RARB: variants seen among roughly 807,000 people sequenced by gnomAD.
The protein encoded by RARB is retinoic acid receptor beta.
Under a neutral mutation model 51.9 loss-of-function variants are expected in RARB, and 17 were observed. The observed-to-expected ratio is 0.33, with a 90% CI of 0.22 to 0.49. RARB has a LOEUF of 0.49. RARB is among the 20% of genes least tolerant of loss of function. RARB has a pLI of 0.99. For missense variants in RARB, 369 were observed against 550.8 expected, an observed-to-expected ratio of 0.67 and a Z score of 3.30; for synonymous variants, 215 against 195.4, an observed-to-expected ratio of 1.10 and a Z score of -0.84.
chr3:25,321,918 G>T (rs1402493862), intron 5 of RARB, among the ~76,000 whole-genome samples: 2 of 151,592 alleles, frequency 1.3e-5, no homozygotes, highest in Admixed American at 6.6e-5. Flanking sequence ...GTGGAGGCAG[G>T]CAGTAGAAGG....
Position 25,269,371 on chromosome 3 carries a change from G to A in RARB, c.178+94796G>A, listed in dbSNP as rs534393500. On this transcript the variant is annotated intron_variant, in intron 5 of 11. Transcript: ENST00000383772. Reference sequence around the variant, plus strand: ...ATCATTCAGCACCATCCATCATTGAGAGGTAGGAACGTGTGACAGCTGAGA... The same window carrying A: ...ATCATTCAGCACCATCCATCATTGAAAGGTAGGAACGTGTGACAGCTGAGA... Among the ~76,000 whole-genome samples, 10 of 152,300 alleles carry A rather than the reference G, an allele frequency of 6.6e-5. No homozygotes were observed. In the South Asian group the frequency reaches 1.7e-3, roughly 25 times the overall value.
intron 2 of RARB, among the ~76,000 whole-genome samples, chr3:25,494,275 A>ACACACACG (rs1553623210): frequency 0.055 from 5,598 of 102,278 alleles, 131 homozygotes; most frequent in Middle Eastern, 0.072. Context: ...ACACACACAC[A>ACACACACG]CACATGCCAT....
chr3:25,225,990 G>A (rs952970743), intron 5 of RARB, among the ~76,000 whole-genome samples: 1 of 152,104 alleles, frequency 6.6e-6, no homozygotes, highest in Non-Finnish European at 1.5e-5. Flanking sequence ...TAATAACAGT[G>A]ATTGTTAAAT....
intron 2 of RARB, among the ~76,000 whole-genome samples, chr3:24,875,510 T>C (rs1269846236): frequency 6.6e-6 from 1 of 152,124 alleles, no homozygotes; most frequent in Non-Finnish European, 1.5e-5. Context: ...ATTGAATAAA[T>C]TAATGCACTA....
intron 4 of RARB, among the ~76,000 whole-genome samples, chr3:25,154,842 A>C (rs1428825660): frequency 6.6e-6 from 1 of 152,100 alleles, no homozygotes; most frequent in Non-Finnish European, 1.5e-5. Context: ...ACTCGCACCT[A>C]CCTACATCTG....
intron 5 of RARB, among the ~76,000 whole-genome samples, chr3:25,263,535 TAAG>T (rs1486620275): frequency 1.3e-5 from 2 of 152,182 alleles, no homozygotes; most frequent in African/African-American, 4.8e-5. Flanking sequence ...CTCATGGGTT[TAAG>T]AAGAGAACTG....
intron 5 of RARB, among the ~76,000 whole-genome samples, chr3:25,319,910 A>G (rs960682293): frequency 1.3e-5 from 2 of 152,220 alleles, no homozygotes; most frequent in African/African-American, 4.8e-5. Flanking sequence ...AGAAAAAGTA[A>G]CTAGCACTAT....
chr3:25,506,648 T>C (rs1380346131), intron 3 of RARB, among the ~76,000 whole-genome samples: 13 of 152,236 alleles, frequency 8.5e-5, no homozygotes, highest in African/African-American at 2.9e-4. Context: ...CCTGTCTTCA[T>C]TACTTAACTC....
chr3:25,589,287 A>G (rs886841196), intron 5 of RARB, among the ~76,000 whole-genome samples: 1 of 152,196 alleles, frequency 6.6e-6, no homozygotes, highest in Non-Finnish European at 1.5e-5. Context: ...AAGCTTCACA[A>G]AGAAGACCAA....
At chr3:25,045,144 C>T (rs1698187434) in intron 2 of RARB, among the ~76,000 whole-genome samples, 2 of 152,188 alleles carry the variant, frequency 1.3e-5, no homozygotes, top group African/African-American at 4.8e-5. Context: ...ACTGGCCTAA[C>T]AGCTGGAATA....
chr3:25,259,171 G>T, intron 5 of RARB: 1 of 760,072 alleles, frequency 1.3e-6, no homozygotes, highest in Non-Finnish European at 1.6e-6. Context: ...ATATGGTAAA[G>T]TAGAGCAAAT....
intron 2 of RARB, among the ~76,000 whole-genome samples, chr3:24,919,877 T>C (rs1184615780): frequency 1.3e-5 from 2 of 152,172 alleles, no homozygotes; most frequent in Non-Finnish European, 2.9e-5. Context: ...TGAACAGTCT[T>C]GATACAATTG....
Position 25,596,634 on chromosome 3 carries a change from TCAAAC to T in RARB, c.*19_*23del. On this transcript the variant is annotated 3_prime_UTR_variant, in exon 8 of 8. Coordinates refer to ENST00000330688, the MANE Select transcript of RARB (RefSeq NM_000965.5). Reference sequence around the variant, plus strand: ...TGCAATAAGACATTTTCTAGCTACTTCAAACATTCCCCAGTACCTTCAGTTCCAGG... The same window carrying T: ...TGCAATAAGACATTTTCTAGCTACTTATTCCCCAGTACCTTCAGTTCCAGG... 1 of 1,559,078 alleles carries T rather than the reference TCAAAC, an allele frequency of 6.4e-7. No individual in the cohort carries two copies.
rs543259956 is a variant in RARB at position 25,393,878 on chromosome 3, A to G, written c.179-67315A>G. 7.3e-5 allele frequency among the ~76,000 whole-genome samples: 11 copies of G among 151,540 alleles called. No individual in the cohort carries two copies. The East Asian group carries it at 1.6e-3, about 21-fold the overall frequency. On this transcript the variant is annotated intron_variant, in intron 5 of 11. Coordinates refer to the RARB transcript ENST00000383772. ...AAAGAACTAGCTTTTTGTTTTTTCTATCTTTTGTATTTTTTTGTTGTTTCA... is the reference window on the plus strand; with the variant it reads ...AAAGAACTAGCTTTTTGTTTTTTCTGTCTTTTGTATTTTTTTGTTGTTTCA...
At chr3:25,399,639 C>T (rs78447701) in intron 5 of RARB, among the ~76,000 whole-genome samples, 4 of 152,190 alleles carry the variant, frequency 2.6e-5, no homozygotes, top group African/African-American at 9.7e-5. Flanking sequence ...TTCCTAACTT[C>T]AGACCTCTTG....
intron 5 of RARB, among the ~76,000 whole-genome samples, chr3:25,202,784 A>C (rs1391319379): frequency 2.0e-5 from 3 of 152,166 alleles, no homozygotes; most frequent in Non-Finnish European, 4.4e-5. Context: ...GTTTGATTGC[A>C]CTGTGGTCTG....
intron 3 of RARB, among the ~76,000 whole-genome samples, chr3:25,563,813 C>T (rs1184317386): frequency 3.9e-5 from 6 of 152,140 alleles, no homozygotes. Flanking sequence ...TTGCAGTTAG[C>T]AAGGAGCTGA....
chr3:24,872,393 A>G (rs548768842), intron 2 of RARB, among the ~76,000 whole-genome samples: 1 of 152,078 alleles, frequency 6.6e-6, no homozygotes, highest in Non-Finnish European at 1.5e-5. Context: ...CACCTTCTCT[A>G]TTATTCCATT....
chr3:25,096,024 T>C (rs535139550), intron 3 of RARB, among the ~76,000 whole-genome samples: 1 of 152,314 alleles, frequency 6.6e-6, no homozygotes, highest in Non-Finnish European at 1.5e-5. Flanking sequence ...CTCTTTCCCA[T>C]TACTGGACTG....
Sources: gnomAD v4.1 joint callset for allele counts (sites outside exome capture counted in the v4.1 genomes callset) on GRCh38, gnomAD v4.1.1 for gene constraint, MANE v1.5 for transcripts, NCBI Gene and HGNC (gene_info 2026-07-23, HGNC 2026-07-21) for gene names.